LRRC37A3: variants seen among roughly 807,000 people sequenced by gnomAD.
LRRC37A3 encodes the protein leucine rich repeat containing 37 member A3.
In LRRC37A3, 25 loss-of-function variants were observed where a neutral mutation model predicts 106.2. The ratio of observed to expected loss-of-function variants is 0.24; its 90% confidence interval spans 0.17 to 0.33. The LOEUF (loss-of-function observed/expected upper bound fraction) is 0.33, where lower values mean the gene tolerates loss of function less well. LRRC37A3 is among the 10% of genes least tolerant of loss of function. The probability of loss-of-function intolerance (pLI) is 1.00; values close to 1 mark genes in which losing one functional copy is unlikely to be tolerated. For synonymous variants in LRRC37A3, 305 were observed against 635.8 expected, an observed-to-expected ratio of 0.48 and a Z score of 7.83; for missense variants, 712 against 1,644.9, an observed-to-expected ratio of 0.43 and a Z score of 9.81.
intron 5 of LRRC37A3, among the ~76,000 whole-genome samples, chr17:64,890,661 G>A (rs1179110714): frequency 7.2e-6 from 1 of 138,476 alleles, no homozygotes; most frequent in Non-Finnish European, 1.5e-5. Flanking sequence ...GTGAAACCCT[G>A]TCTCTACTAA....
At chr17:64,873,513 C>T (rs1297448658) in intron 8 of LRRC37A3, among the ~76,000 whole-genome samples, 6 of 150,806 alleles carry the variant, frequency 4.0e-5, no homozygotes, top group African/African-American at 1.5e-4. Flanking sequence ...ATAAGAGAAA[C>T]GATTCAGTTC....
At chr17:64,916,656 C>T (rs1170617169) in intron 2 of LRRC37A3, among the ~76,000 whole-genome samples, 2 of 148,852 alleles carry the variant, frequency 1.3e-5, no homozygotes, top group East Asian at 2.0e-4. Flanking sequence ...TGGTGGTGCG[C>T]ACTTGCAATC....
intron 8 of LRRC37A3, among the ~76,000 whole-genome samples, chr17:64,873,690 G>T (rs866400308): frequency 0.012 from 1,843 of 150,754 alleles, 40 homozygotes; most frequent in African/African-American, 0.043. Flanking sequence ...GCACATTACA[G>T]CAGGCTGAAG....
At chr17:64,869,766 C>A (rs1057423423) in intron 8 of LRRC37A3, among the ~76,000 whole-genome samples, 1 of 151,998 alleles carries the variant, frequency 6.6e-6, no homozygotes, top group African/African-American at 2.4e-5. Context: ...GTTTTGAACT[C>A]CTGACCTCAG....
chr17:64,873,347 G>A (rs1973384736), intron 8 of LRRC37A3, among the ~76,000 whole-genome samples: 2 of 151,520 alleles, frequency 1.3e-5, no homozygotes, highest in Admixed American at 6.6e-5. Flanking sequence ...TTTTTTATAG[G>A]TGGGGTCTTG....
chr17:64,890,169 T>C (rs1377985385), intron 5 of LRRC37A3, among the ~76,000 whole-genome samples: 1 of 129,920 alleles, frequency 7.7e-6, no homozygotes, highest in Non-Finnish European at 1.5e-5. Context: ...TCAACCTTTT[T>C]CCCCCCATCA....
chr17:64,866,650 A>G (rs1167294208), intron 10 of LRRC37A3, among the ~76,000 whole-genome samples: 32 of 26,798 alleles, frequency 1.2e-3, no homozygotes, highest in Non-Finnish European at 2.7e-3. Context: ...TTTTTTTTTT[A>G]GACAGGGTCT....
intron 10 of LRRC37A3, among the ~76,000 whole-genome samples, chr17:64,866,629 T>TATATGTATA (rs71236448): frequency 1.6e-4 from 2 of 12,858 alleles, no homozygotes; most frequent in Non-Finnish European, 2.5e-4. Flanking sequence ...TATATATATA[T>TATATGTATA]TTTTTTTTTT....
rs773694443 is a variant in LRRC37A3, at chr17:64,860,741, T to C, written c.3405A>G (p.Lys1135=). ...GTTTAATGAACGGTAGTAACAGTGA[T>C]TTCACATCTAGGTTAACGGCTGAGA... The part of the protein sequence containing the change: ...PYFSAVNLDV[K]SLLLPFIKLP... The change falls in exon 12 of 15, where the codon AAA becomes AAG. Residue 1135 remains lysine, a synonymous_variant. Transcript: ENST00000584306. The C allele has an allele frequency of 1.9e-6, 3 of 1,614,088 alleles. No individual in the cohort carries two copies. The highest frequency in any genetic ancestry group is 4.5e-5 in the East Asian group (2 of 44,886).
intron 14 of LRRC37A3, among the ~76,000 whole-genome samples, chr17:64,855,151 A>G (rs1219584989): frequency 6.6e-6 from 1 of 152,136 alleles, no homozygotes; most frequent in Non-Finnish European, 1.5e-5. Flanking sequence ...AGGTTTGCAT[A>G]AAAGGAATAG....
intron 8 of LRRC37A3, among the ~76,000 whole-genome samples, chr17:64,870,762 T>C (rs1458225702): frequency 6.6e-6 from 1 of 152,166 alleles, no homozygotes; most frequent in African/African-American, 2.4e-5. Flanking sequence ...AATTTTCATT[T>C]TCGTTCTTCA....
At chr17:64,870,816 C>A (rs1973288513) in intron 8 of LRRC37A3, among the ~76,000 whole-genome samples, 1 of 150,836 alleles carries the variant, frequency 6.6e-6, no homozygotes, top group African/African-American at 2.4e-5. Context: ...CTTCCCTCCC[C>A]CTTCCTTCTA....
chr17:64,880,312 T>A (rs1051332221), intron 8 of LRRC37A3, among the ~76,000 whole-genome samples: 1 of 152,104 alleles, frequency 6.6e-6, no homozygotes, highest in Non-Finnish European at 1.5e-5. Flanking sequence ...TGTTTCCACT[T>A]TTTAAAAGTC....
intron 2 of LRRC37A3, among the ~76,000 whole-genome samples, chr17:64,907,801 C>CT (rs1285052262): frequency 1.6e-5 from 2 of 122,226 alleles, no homozygotes; most frequent in Non-Finnish European, 3.4e-5. Context: ...CAGCGATGAG[C>CT]TTTATGCTGT....
chr17:64,917,103 G>A (rs1405292867), intron 2 of LRRC37A3, among the ~76,000 whole-genome samples: 2 of 151,644 alleles, frequency 1.3e-5, no homozygotes, highest in South Asian at 2.1e-4. Flanking sequence ...AAAATTAGCC[G>A]GGCGTGGTGG....
At chr17:64,876,425 T>C (rs1341181339) in intron 8 of LRRC37A3, among the ~76,000 whole-genome samples, 1 of 152,040 alleles carries the variant, frequency 6.6e-6, no homozygotes, top group Non-Finnish European at 1.5e-5. Flanking sequence ...GGTCAAGCAA[T>C]CCTCCCACCG....
At chr17:64,868,437 T>C (rs1269839066) in intron 10 of LRRC37A3, 25 bp downstream of exon 10, 8 of 1,609,636 alleles carry the variant, frequency 5.0e-6, no homozygotes, top group Non-Finnish European at 6.8e-6. Context: ...TACGTAAAAA[T>C]AAATCTCGGA....
At chr17:64,874,295 C>T (rs1325446112) in intron 8 of LRRC37A3, among the ~76,000 whole-genome samples, 13 of 151,748 alleles carry the variant, frequency 8.6e-5, no homozygotes, top group African/African-American at 3.1e-4. Context: ...TCTGCCCGGC[C>T]GCGACCCCGT....
At chr17:64,917,619 TTAAA>T (rs1349099543) in intron 2 of LRRC37A3, among the ~76,000 whole-genome samples, 1 of 151,954 alleles carries the variant, frequency 6.6e-6, no homozygotes, top group Non-Finnish European at 1.5e-5. Flanking sequence ...CAGATGAATC[TTAAA>T]TACATTATGC....
Sources: allele counts gnomAD v4.1 joint callset (sites outside exome capture counted in the v4.1 genomes callset), GRCh38; gene constraint gnomAD v4.1.1; transcripts MANE v1.5; gene names NCBI Gene and HGNC (gene_info 2026-07-23, HGNC 2026-07-21).